Variants in TCF7L1 observed in about 807,000 individuals in gnomAD.
TCF7L1 encodes the protein transcription factor 7-like 1.
In TCF7L1, 18 loss-of-function variants were observed where a neutral mutation model predicts 63.7. That is an observed-to-expected ratio of 0.28 (90% CI 0.20 to 0.42). The LOEUF is 0.42. TCF7L1 is among the 10% of genes least tolerant of loss of function. The pLI is 1.00. For missense variants in TCF7L1, 654 were observed against 779.3 expected (o/e 0.84, Z 1.91); for synonymous variants, 355 against 340.9 (o/e 1.04, Z -0.46).
At chr2:85,226,010 C>T (rs1679946527) in intron 3 of TCF7L1, among the ~76,000 whole-genome samples, 2 of 152,156 alleles carry the variant, frequency 1.3e-5, no homozygotes, top group Admixed American at 1.3e-4. Context: ...TTGTTGAAGG[C>T]CTTTTCTGCG....
chr2:85,207,613 G>A (rs1679438636), intron 3 of TCF7L1, among the ~76,000 whole-genome samples: 1 of 151,678 alleles, frequency 6.6e-6, no homozygotes, highest in African/African-American at 2.4e-5. Flanking sequence ...GAAAGGGTAG[G>A]TGGGTGGATG....
chr2:85,202,534 TA>T (rs1679294728), intron 3 of TCF7L1, among the ~76,000 whole-genome samples: 1 of 152,334 alleles, frequency 6.6e-6, no homozygotes, highest in African/African-American at 2.4e-5. Flanking sequence ...TCCTAGGTCA[TA>T]AAAAATATGT....
intron 3 of TCF7L1, among the ~76,000 whole-genome samples, chr2:85,207,946 G>A (rs1361391882): frequency 2.0e-5 from 3 of 151,910 alleles, no homozygotes; most frequent in Non-Finnish European, 4.4e-5. Flanking sequence ...TTGCTCTGTC[G>A]CCCAGGCTGG....
At chr2:85,171,217 G>A (rs986153189) in intron 3 of TCF7L1, among the ~76,000 whole-genome samples, 1 of 152,104 alleles carries the variant, frequency 6.6e-6, no homozygotes, top group Non-Finnish European at 1.5e-5. Context: ...GAACAGCATG[G>A]GAAAGACCTG....
At chr2:85,149,346 T>TACACAC (rs58712600) in intron 3 of TCF7L1, among the ~76,000 whole-genome samples, 4,048 of 151,836 alleles carry the variant, frequency 0.027, 81 homozygotes, top group Non-Finnish European at 0.035. Flanking sequence ...TATATGTGTA[T>TACACAC]ACACACACAC....
At chr2:85,260,641 C>CT (rs939463733) in intron 3 of TCF7L1, among the ~76,000 whole-genome samples, 1 of 116,762 alleles carries the variant, frequency 8.6e-6, no homozygotes, top group Non-Finnish European at 2.1e-5. Flanking sequence ...GAGACCCTAT[C>CT]TCAAAAAAAA....
At chr2:85,218,646 G>GGT (rs890701392) in intron 3 of TCF7L1, among the ~76,000 whole-genome samples, 12 of 150,192 alleles carry the variant, frequency 8.0e-5, no homozygotes, top group Non-Finnish European at 1.8e-4. Flanking sequence ...CAATGGGGGG[G>GGT]GGAAAACTGG....
intron 4 of TCF7L1, among the ~76,000 whole-genome samples, chr2:85,296,558 G>A (rs138542052): frequency 2.0e-5 from 3 of 152,292 alleles, no homozygotes; most frequent in Admixed American, 6.5e-5. Flanking sequence ...ATTAATAAGT[G>A]TTTTGTAGGG....
rs1677556740 is a variant in TCF7L1, at chr2:85,134,937, C to G, written c.441+487C>G. Among the ~76,000 whole-genome samples the G allele has an allele frequency of 6.6e-6, 1 of 152,184 alleles. No individual in the cohort carries two copies. Among genetic ancestry groups the G allele is most frequent in the African/African-American group, 2.4e-5 (1 of 41,458 alleles). Reference sequence around the variant, plus strand: ...TATTCACAGCCCCCGTTCCCACCCCCAGCCCTCGCACCGGGGCCTCAGCTT... The same window carrying G: ...TATTCACAGCCCCCGTTCCCACCCCGAGCCCTCGCACCGGGGCCTCAGCTT... On this transcript the variant is annotated intron_variant, in intron 3 of 11. Transcript: ENST00000282111. The surrounding 1 kb of genome is among the most constrained non-coding windows in gnomAD (Gnocchi z 5.0).
intron 3 of TCF7L1, among the ~76,000 whole-genome samples, chr2:85,183,837 C>T (rs930714334): frequency 6.6e-6 from 1 of 152,190 alleles, no homozygotes; most frequent in African/African-American, 2.4e-5. Flanking sequence ...CTCTGTACTG[C>T]TCAACCCACT....
At chr2:85,224,624 TG>T (rs1431415527) in intron 3 of TCF7L1, among the ~76,000 whole-genome samples, 2 of 152,232 alleles carry the variant, frequency 1.3e-5, no homozygotes, top group African/African-American at 4.8e-5. Context: ...CACTTTTTGA[TG>T]GGGTCATTTG....
At chr2:85,259,329 C>T (rs371626079) in intron 3 of TCF7L1, among the ~76,000 whole-genome samples, 1 of 152,198 alleles carries the variant, frequency 6.6e-6, no homozygotes, top group African/African-American at 2.4e-5. Context: ...TTAAAAAGCC[C>T]GATAAACCCA....
At chr2:85,207,654 G>A (rs17026026) in intron 3 of TCF7L1, among the ~76,000 whole-genome samples, 10,827 of 151,440 alleles carry the variant, frequency 0.071, 510 homozygotes, top group African/African-American at 0.13. Flanking sequence ...CTTTCACCAA[G>A]CAGAGATGGC....
chr2:85,295,028 T>G (rs1284806665), intron 4 of TCF7L1, among the ~76,000 whole-genome samples: 1 of 151,916 alleles, frequency 6.6e-6, no homozygotes, highest in Non-Finnish European at 1.5e-5. Context: ...AGACCCTGTC[T>G]GAAAAAAAAA....
chr2:85,277,673 C>T (rs1371110812), intron 3 of TCF7L1, among the ~76,000 whole-genome samples: 1 of 152,172 alleles, frequency 6.6e-6, no homozygotes, highest in Non-Finnish European at 1.5e-5. Context: ...CTGGGCCTTT[C>T]CTCTAGAAGC....
At chr2:85,279,750 C>G (rs1290468185) in intron 3 of TCF7L1, among the ~76,000 whole-genome samples, 1 of 152,172 alleles carries the variant, frequency 6.6e-6, no homozygotes, top group Non-Finnish European at 1.5e-5. Context: ...CAGAGTGAGT[C>G]CCTCCCTACA....
intron 3 of TCF7L1, among the ~76,000 whole-genome samples, chr2:85,164,322 T>C (rs1678358971): frequency 6.6e-6 from 1 of 152,156 alleles, no homozygotes; most frequent in African/African-American, 2.4e-5. Flanking sequence ...GTGGCAGCAG[T>C]GGCTGAAGGG....
At chr2:85,232,744 G>C (rs575020951) in intron 3 of TCF7L1, among the ~76,000 whole-genome samples, 5 of 152,106 alleles carry the variant, frequency 3.3e-5, no homozygotes, top group African/African-American at 1.2e-4. Context: ...ATCCAATCCC[G>C]GTTGTCATTA....
chr2:85,231,236 C>G (rs1049011079), intron 3 of TCF7L1, among the ~76,000 whole-genome samples: 10 of 152,176 alleles, frequency 6.6e-5, no homozygotes, highest in African/African-American at 2.2e-4. Context: ...AAGCATCTCT[C>G]CTCTGTCTGG....
Sources: allele counts gnomAD v4.1 joint callset (sites outside exome capture counted in the v4.1 genomes callset), GRCh38; gene constraint gnomAD v4.1.1; non-coding constraint Gnocchi (gnomAD v3.1); transcripts MANE v1.5; gene names NCBI Gene and HGNC (gene_info 2026-07-23, HGNC 2026-07-21).